Variants in ARHGAP22 observed in about 807,000 individuals in gnomAD.
ARHGAP22 encodes Rho GTPase activating protein 22.
In ARHGAP22, 48 loss-of-function variants were observed where a neutral mutation model predicts 59.1. The ratio of observed to expected loss-of-function variants is 0.81; its 90% CI spans 0.64 to 1.03. The LOEUF is 1.03. ARHGAP22 is among the 50% of genes least tolerant of loss of function. The pLI is 0.00. For missense variants in ARHGAP22, 1,015 were observed against 958.7 expected, an observed-to-expected ratio of 1.06 and a Z score of -0.78; for synonymous variants, 445 against 416.4, an observed-to-expected ratio of 1.07 and a Z score of -0.84.
chr10:48,453,977 G>A (rs1675200644), intron 7 of ARHGAP22, 111 bp downstream of exon 7: 6 of 1,138,050 alleles, frequency 5.3e-6, no homozygotes, highest in Non-Finnish European at 6.6e-6. Context: ...GCAGGGTGGG[G>A]AATGACCCGG....
intron 1 of ARHGAP22, 103 bp downstream of exon 1, chr10:48,604,660 C>T: frequency 1.3e-6 from 2 of 1,579,114 alleles, no homozygotes; most frequent in South Asian, 1.1e-5. Flanking sequence ...TCCCAGAACG[C>T]CCGCCCCATG....
At chr10:48,654,770 A>ATTTCTTTCTTTCTTTC (rs1345811939), upstream of ARHGAP22, among the ~76,000 whole-genome samples, 6 of 138,420 alleles carry the variant, frequency 4.3e-5, no homozygotes, top group East Asian at 4.4e-4. Context: ...GGACATGCTG[A>ATTTCTTTCTTTCTTTC]TTACTTTCTT....
At chr10:48,471,586 G>A (rs1051533187) in intron 4 of ARHGAP22, among the ~76,000 whole-genome samples, 14 of 152,292 alleles carry the variant, frequency 9.2e-5, no homozygotes, top group Admixed American at 7.8e-4. Flanking sequence ...CCAGCTCTGT[G>A]CTAAGTCTTC....
intron 3 of ARHGAP22, among the ~76,000 whole-genome samples, chr10:48,501,058 G>A (rs2051466212): frequency 6.6e-6 from 1 of 152,170 alleles, no homozygotes; most frequent in African/African-American, 2.4e-5. Flanking sequence ...ATAGTTGCAA[G>A]GCAAAGAAAA....
intron 2 of ARHGAP22, among the ~76,000 whole-genome samples, chr10:48,578,773 T>A (rs1235887732): frequency 6.6e-6 from 1 of 152,136 alleles, no homozygotes; most frequent in Non-Finnish European, 1.5e-5. Flanking sequence ...AGTTCACAGC[T>A]GCTGTCTTTT....
rs567675017 is a variant in ARHGAP22, at chr10:48,592,993, G to A, written c.35-9841C>T. 1.5e-3 allele frequency among the ~76,000 whole-genome samples: 234 copies of A among 152,350 alleles called. 1 individual carries two copies. The highest frequency in any genetic ancestry group is 5.4e-3 in the African/African-American group (226 of 41,592). On this transcript the variant is annotated intron_variant, in intron 1 of 9. Coordinates refer to ENST00000249601, the MANE Select transcript of ARHGAP22 (RefSeq NM_021226.4). Reference sequence around the variant, plus strand: ...ACACTATGGCCTATGAGGGTCCTGGGGACCGGCCACACGGCCTCTCGGCCT... The same window carrying A: ...ACACTATGGCCTATGAGGGTCCTGGAGACCGGCCACACGGCCTCTCGGCCT...
chr10:48,617,419 G>C (rs1389437697), intron 1 of ARHGAP22, among the ~76,000 whole-genome samples: 1 of 151,900 alleles, frequency 6.6e-6, no homozygotes, highest in African/African-American at 2.4e-5. Context: ...TCATCAGCAC[G>C]TGGAATATTG....
chr10:48,605,248 A>G, upstream of ARHGAP22: 1 of 792,564 alleles, frequency 1.3e-6, no homozygotes, highest in Non-Finnish European at 1.5e-6. Context: ...GCTGGAAGAA[A>G]TGCGCCTTTC....
intron 5 of ARHGAP22, among the ~76,000 whole-genome samples, chr10:48,459,311 G>C (rs1221744501): frequency 6.6e-5 from 10 of 151,766 alleles, no homozygotes; most frequent in Non-Finnish European, 1.5e-5. Context: ...CTGGGGGTAG[G>C]TCACCGGAGG....
chr10:48,458,156 G>C (rs575165978), intron 5 of ARHGAP22, among the ~76,000 whole-genome samples: 2 of 152,292 alleles, frequency 1.3e-5, no homozygotes, highest in East Asian at 3.9e-4. Context: ...GCTGAGATGG[G>C]GGTGGAGGGA....
At chr10:48,473,075 T>C (rs61838734) in intron 4 of ARHGAP22, among the ~76,000 whole-genome samples, 26,235 of 152,142 alleles carry the variant, frequency 0.17, 2,544 homozygotes, top group African/African-American at 0.26. Context: ...TCACAATAGT[T>C]GAAACACAGA....
chr10:48,441,245 T>G (rs569357152), downstream of ARHGAP22, among the ~76,000 whole-genome samples: 1 of 152,100 alleles, frequency 6.6e-6, no homozygotes, highest in African/African-American at 2.4e-5. Context: ...CAGAGGAAGA[T>G]AGTGGAAAGA....
intron 3 of ARHGAP22, among the ~76,000 whole-genome samples, chr10:48,529,719 G>A (rs1312630213): frequency 6.6e-6 from 1 of 152,178 alleles, no homozygotes; most frequent in East Asian, 1.9e-4. Context: ...AATAAAATGT[G>A]TTTTGTTTTT....
intron 2 of ARHGAP22, among the ~76,000 whole-genome samples, chr10:48,580,991 G>A (rs1055379250): frequency 2.0e-5 from 3 of 150,782 alleles, no homozygotes; most frequent in Non-Finnish European, 4.4e-5. Context: ...GAAACAGCCA[G>A]TCCTTCAAGA....
At chr10:48,561,549 A>G (rs1288766064) in intron 2 of ARHGAP22, among the ~76,000 whole-genome samples, 1 of 152,224 alleles carries the variant, frequency 6.6e-6, no homozygotes, top group African/African-American at 2.4e-5. Flanking sequence ...GAGTGAAAAG[A>G]CAAATTACAT....
Position 48,459,693 on chromosome 10 carries a change from A to G in ARHGAP22, c.650T>C (p.Leu217Pro). Reference sequence around the variant, plus strand: ...CCGATCACAAGCTCACCTGTCAAACAGTGGCTTCTCCCCACAGTCGAAGGA... The same window carrying G: ...CCGATCACAAGCTCACCTGTCAAACGGTGGCTTCTCCCCACAGTCGAAGGA... ...QDSFDCGEKPLFDSTTDVHTV... is the reference protein window; with the variant it reads ...QDSFDCGEKPPFDSTTDVHTV... The change falls in exon 5 of 10, where the codon CTG becomes CCG. Residue 217 changes from leucine to proline, a missense_variant. Physicochemically the swap from Leu to Pro is moderately conservative, Grantham distance 98. Coordinates refer to ENST00000249601, the MANE Select transcript of ARHGAP22 (RefSeq NM_021226.4). 6.2e-7 allele frequency: 1 copy of G among 1,614,122 alleles called. No homozygotes were observed. Among genetic ancestry groups the G allele is most frequent in the Non-Finnish European group, 8.5e-7 (1 of 1,180,002 alleles).
chr10:48,624,564 A>G (rs1253235311), intron 1 of ARHGAP22: 1 of 152,180 alleles, frequency 6.6e-6, no homozygotes, highest in Admixed American at 6.5e-5. Flanking sequence ...CTCCATCCCA[A>G]TGTTTTGCAC....
intron 3 of ARHGAP22, among the ~76,000 whole-genome samples, chr10:48,497,000 C>G (rs940299221): frequency 6.6e-6 from 1 of 152,076 alleles, no homozygotes; most frequent in African/African-American, 2.4e-5. Context: ...GCCCACTGCT[C>G]CATCCCCCAG....
chr10:48,448,216 C>G (rs1007106222), intron 9 of ARHGAP22, among the ~76,000 whole-genome samples: 18 of 152,368 alleles, frequency 1.2e-4, no homozygotes, highest in African/African-American at 3.1e-4. Flanking sequence ...GACTCTCCCC[C>G]ACTACAGGGG....
Sources: gnomAD v4.1 joint callset for allele counts (sites outside exome capture counted in the v4.1 genomes callset) on GRCh38, gnomAD v4.1.1 for gene constraint, MANE v1.5 for transcripts, NCBI Gene and HGNC (gene_info 2026-07-23, HGNC 2026-07-21) for gene names.